MROH9: variants seen among roughly 807,000 people sequenced by gnomAD.
The protein encoded by MROH9 is maestro heat like repeat family member 9, also known as maestro heat-like repeat-containing protein family member 9.
A neutral mutation model predicts 98.2 loss-of-function variants in MROH9; 92 were observed. That is an observed-to-expected ratio of 0.94 (90% CI 0.79 to 1.11). MROH9 has a LOEUF of 1.11. MROH9 is among the 50% of genes most tolerant of loss of function. MROH9 has a pLI of 0.00. For missense variants in MROH9, 1,057 were observed against 1,014.8 expected (o/e 1.04, Z -0.57); for synonymous variants, 397 against 368.9 (o/e 1.08, Z -0.87).
intron 20 of MROH9, among the ~76,000 whole-genome samples, chr1:171,031,132 G>T (rs74676145): frequency 0.037 from 5,672 of 151,996 alleles, 327 homozygotes; most frequent in African/African-American, 0.12. Flanking sequence ...CTTTCTGTTT[G>T]CTTGGTAAAT....
chr1:171,021,677 C>A (rs1176658933), intron 17 of MROH9, among the ~76,000 whole-genome samples: 2 of 152,080 alleles, frequency 1.3e-5, no homozygotes, highest in African/African-American at 4.8e-5. Flanking sequence ...CAATAGCGTT[C>A]AGGACATAGG....
intron 14 of MROH9, among the ~76,000 whole-genome samples, chr1:170,997,654 G>C (rs536650902): frequency 3.3e-5 from 5 of 152,118 alleles, no homozygotes; most frequent in Admixed American, 2.6e-4. Flanking sequence ...GTCAGTACAA[G>C]TGTGAGGCTG....
intron 15 of MROH9, among the ~76,000 whole-genome samples, chr1:171,012,708 T>C (rs1652197569): frequency 6.6e-6 from 1 of 152,082 alleles, no homozygotes; most frequent in African/African-American, 2.4e-5. Context: ...TTTCACCATG[T>C]TATCCAGGAT....
rs1491154307 is a variant in MROH9 at position 170,970,731 on chromosome 1, T to TGTGTGTGTGA, written c.481-1016_481-1015insTGTGTGTGAG. Among the ~76,000 whole-genome samples the TGTGTGTGTGA allele has an allele frequency of 2.2e-3, 201 of 90,854 alleles. 1 individual carries two copies. Among genetic ancestry groups the TGTGTGTGTGA allele is most frequent in the Non-Finnish European group, 3.9e-3 (173 of 44,574 alleles). The allele number at this position is 90,854 out of a possible 152,430, so 59.6% of individuals were successfully genotyped here. A position where few individuals can be genotyped will look rare whatever the true frequency, so the allele number is the denominator to read the frequency against. ...GTGTGTGTGTGTGTGTGTGTGTGTG[T>TGTGTGTGTGA]GAGAGAGAGAGAGAGAGAGAGAGAG... On this transcript the variant is annotated intron_variant, in intron 7 of 21. Coordinates refer to ENST00000367759, the MANE Select transcript of MROH9 (RefSeq NM_001163629.2).
At chr1:171,016,717 A>G (rs1307880397) in intron 17 of MROH9, among the ~76,000 whole-genome samples, 1 of 152,182 alleles carries the variant, frequency 6.6e-6, no homozygotes, top group Non-Finnish European at 1.5e-5. Context: ...TCTATAAAAC[A>G]GCAATAGTGA....
At chr1:171,037,396 T>G (rs1317458652) in intron 20 of MROH9, among the ~76,000 whole-genome samples, 2 of 151,280 alleles carry the variant, frequency 1.3e-5, no homozygotes, top group African/African-American at 4.8e-5. Context: ...GGTCTAAAAA[T>G]AAACTTTAAA....
chr1:170,998,337 A>G, intron 15 of MROH9, 63 bp downstream of exon 15: 1 of 1,612,792 alleles, frequency 6.2e-7, no homozygotes, highest in Non-Finnish European at 8.5e-7. Context: ...AATTTAAATC[A>G]AAATTCCAGT....
chr1:170,946,612 T>C (rs764380208), intron 2 of MROH9, among the ~76,000 whole-genome samples: 4 of 152,054 alleles, frequency 2.6e-5, no homozygotes, highest in Admixed American at 2.6e-4. Context: ...GGTTGAAGGA[T>C]ACATGATAAT....
chr1:170,972,710 G>A (rs1254904641), intron 8 of MROH9, among the ~76,000 whole-genome samples: 1 of 151,620 alleles, frequency 6.6e-6, no homozygotes, highest in African/African-American at 2.4e-5. Flanking sequence ...TACTCAGGAG[G>A]CTGAGGTAGG....
At chr1:170,950,931 CTT>C (rs879491284) in intron 3 of MROH9, among the ~76,000 whole-genome samples, 4 of 151,934 alleles carry the variant, frequency 2.6e-5, no homozygotes, top group Non-Finnish European at 5.9e-5. Flanking sequence ...TTCTTTTAGC[CTT>C]TATTTTTATA....
chr1:171,003,995 G>A (rs1308348084), intron 15 of MROH9, among the ~76,000 whole-genome samples: 1 of 152,054 alleles, frequency 6.6e-6, no homozygotes, highest in Non-Finnish European at 1.5e-5. Flanking sequence ...TGCCTCTGCT[G>A]AGTCATGCAG....
chr1:171,014,082 C>A, intron 15 of MROH9, 35 bp from the exon 16 acceptor site: 1 of 1,531,478 alleles, frequency 6.5e-7, no homozygotes, highest in Non-Finnish European at 8.8e-7. Context: ...GTGGCCTCTA[C>A]TTTGCTTATA....
chr1:171,041,964 C>T (rs1440426954), intron 20 of MROH9, among the ~76,000 whole-genome samples: 1 of 151,988 alleles, frequency 6.6e-6, no homozygotes. Context: ...GTATTCATCC[C>T]ATCAAACATT....
At position 170,971,870 on chromosome 1, in the gene MROH9, A is replaced by G; in HGVS notation, c.603A>G (p.Ala201=). ...SLGMCHLLYI[A]RCQNDIGTNK... ...GAATGTGTCACCTCCTCTACATTGC[A>G]CGGTGTCAGAACGGTAAGAACAGTT... The change falls in exon 8 of 22, where the codon GCA becomes GCG. Residue 201 remains alanine, a synonymous_variant. Coordinates refer to ENST00000367759, the MANE Select transcript of MROH9 (RefSeq NM_001163629.2). The G allele has an allele frequency of 6.2e-7, 1 of 1,614,030 alleles. No homozygotes were observed. The highest frequency in any genetic ancestry group is 8.5e-7 in the Non-Finnish European group (1 of 1,179,930).
chr1:171,024,896 T>C, intron 19 of MROH9, 131 bp downstream of exon 19: 1 of 617,682 alleles, frequency 1.6e-6, no homozygotes, highest in Non-Finnish European at 2.8e-6. Flanking sequence ...ATATTTTAAA[T>C]AAGTGATTAT....
intron 20 of MROH9, among the ~76,000 whole-genome samples, chr1:171,043,486 T>C (rs1653371436): frequency 6.6e-6 from 1 of 152,138 alleles, no homozygotes; most frequent in South Asian, 2.1e-4. Context: ...ATATACATTT[T>C]AGAATAGTAT....
intron 3 of MROH9, among the ~76,000 whole-genome samples, chr1:170,953,284 G>A (rs1025271852): frequency 2.0e-5 from 3 of 151,940 alleles, no homozygotes; most frequent in Admixed American, 2.0e-4. Context: ...TATTCTCTCA[G>A]TATATGGTTT....
chr1:170,985,067 T>C (rs775248278), intron 9 of MROH9, among the ~76,000 whole-genome samples: 5 of 151,958 alleles, frequency 3.3e-5, no homozygotes, highest in African/African-American at 4.8e-5. Context: ...TTTTATATAG[T>C]GGTTGGTTGT....
chr1:171,025,284 C>A (rs536588158), intron 19 of MROH9, 34 bp from the exon 20 acceptor site: 2 of 1,324,202 alleles, frequency 1.5e-6, no homozygotes, highest in Admixed American at 2.0e-5. Flanking sequence ...TTTCAGCAAT[C>A]GAGTGAGGTG....
Sources: allele counts gnomAD v4.1 joint callset (sites outside exome capture counted in the v4.1 genomes callset), GRCh38; gene constraint gnomAD v4.1.1; transcripts MANE v1.5; gene names NCBI Gene and HGNC (gene_info 2026-07-23, HGNC 2026-07-21).